ADK: variants seen among roughly 807,000 people sequenced by gnomAD.
The protein encoded by ADK is adenosine kinase, also known as N6,N6-dimethyladenosine kinase.
In ADK, 24 loss-of-function variants were observed where a neutral mutation model predicts 44.7. The observed-to-expected ratio is 0.54, with a 90% CI of 0.39 to 0.76. The LOEUF is 0.76. Ranked by LOEUF, ADK falls within the 30% of genes least tolerant of loss-of-function variation. The pLI is 0.00. For synonymous variants in ADK, 128 were observed against 142.6 expected (o/e 0.90, Z 0.73); for missense variants, 321 against 425.1 (o/e 0.76, Z 2.15).
chr10:74,397,013 C>T (rs983466447), intron 5 of ADK, among the ~76,000 whole-genome samples: 1 of 151,448 alleles, frequency 6.6e-6, no homozygotes, highest in Admixed American at 6.6e-5. Flanking sequence ...TGTAGTTTCC[C>T]ATCAAAAAGT....
chr10:74,513,923 A>G (rs1848454742), intron 6 of ADK, among the ~76,000 whole-genome samples: 2 of 152,304 alleles, frequency 1.3e-5, no homozygotes, highest in East Asian at 1.9e-4. Context: ...ATAGTTTCAC[A>G]TATTTTCATG....
chr10:74,406,415 T>G (rs1037718546), intron 6 of ADK, among the ~76,000 whole-genome samples: 3 of 151,858 alleles, frequency 2.0e-5, no homozygotes, highest in Non-Finnish European at 2.9e-5. Flanking sequence ...TTTTGTGTGG[T>G]TGGGGTTTTT....
intron 9 of ADK, among the ~76,000 whole-genome samples, chr10:74,640,700 G>A (rs1853812067): frequency 6.6e-6 from 1 of 152,168 alleles, no homozygotes; most frequent in African/African-American, 2.4e-5. Context: ...TCCCTCTGTA[G>A]CGTGAAAACA....
intron 10 of ADK, among the ~76,000 whole-genome samples, chr10:74,695,616 TG>T (rs796902967): frequency 0.023 from 497 of 21,462 alleles, 6 homozygotes; most frequent in African/African-American, 0.05. Flanking sequence ...TGTGTATGTG[TG>T]GGGTGTGTGT....
At chr10:74,480,722 A>G (rs1212139510) in intron 6 of ADK, among the ~76,000 whole-genome samples, 1 of 151,626 alleles carries the variant, frequency 6.6e-6, no homozygotes, top group Non-Finnish European at 1.5e-5. Flanking sequence ...GTTTGGGGTC[A>G]GTTTTTCCAG....
intron 3 of ADK, among the ~76,000 whole-genome samples, chr10:74,276,501 T>C (rs1846685486): frequency 6.6e-6 from 1 of 152,240 alleles, no homozygotes; most frequent in South Asian, 2.1e-4. Flanking sequence ...TTTAAAACAA[T>C]ACCCTTTTAT....
At chr10:74,274,756 ACAT>A (rs1307964928) in intron 3 of ADK, among the ~76,000 whole-genome samples, 11 of 137,874 alleles carry the variant, frequency 8.0e-5, no homozygotes, top group Admixed American at 1.5e-4. Flanking sequence ...ATACACACAC[ACAT>A]TATATATATA....
chr10:74,219,027 T>TTAAATG (rs1844179541), intron 2 of ADK, among the ~76,000 whole-genome samples: 1 of 151,952 alleles, frequency 6.6e-6, no homozygotes, highest in African/African-American at 2.4e-5. Flanking sequence ...AATATTAACT[T>TTAAATG]TAAATGTAAA....
chr10:74,655,986 A>T (rs529701732), intron 9 of ADK: 2 of 676,446 alleles, frequency 3.0e-6, no homozygotes, highest in Non-Finnish European at 5.5e-6. Context: ...GGACGTGACC[A>T]TGGGAACCGC....
At position 74,504,080 on chromosome 10, in the gene ADK, A is replaced by G. The variant is rs148860378; in HGVS notation, c.556-21176A>G. Among the ~76,000 whole-genome samples the G allele has an allele frequency of 4.7e-3, 717 of 152,348 alleles. 7 individuals carry two copies. The highest frequency in any genetic ancestry group is 0.016 in the African/African-American group (684 of 41,592). ...TTATCTCAAGGTGTTTAATTCAAGT[A>G]GAGCCACAGTTCCGAAACTGTGCAC... On this transcript the variant is annotated intron_variant, in intron 6 of 10. Coordinates refer to ENST00000539909, the MANE Select transcript of ADK (RefSeq NM_006721.4).
intron 4 of ADK, among the ~76,000 whole-genome samples, chr10:74,358,346 A>G (rs1189533561): frequency 6.6e-6 from 1 of 152,214 alleles, no homozygotes; most frequent in East Asian, 1.9e-4. Context: ...ATAGACTTCT[A>G]AAATTTACTG....
chr10:74,408,828 G>A (rs1844060020), intron 6 of ADK, among the ~76,000 whole-genome samples: 4 of 152,090 alleles, frequency 2.6e-5, no homozygotes, highest in Admixed American at 2.6e-4. Flanking sequence ...TCTTCATGTT[G>A]AGTGGGCTGA....
At chr10:74,677,063 G>A (rs1448406973) in intron 10 of ADK, among the ~76,000 whole-genome samples, 1 of 152,034 alleles carries the variant, frequency 6.6e-6, no homozygotes, top group Non-Finnish European at 1.5e-5. Flanking sequence ...TGGACAACGT[G>A]GCAAAACCCC....
At chr10:74,640,585 G>C (rs1294456301) in intron 9 of ADK, among the ~76,000 whole-genome samples, 1 of 152,170 alleles carries the variant, frequency 6.6e-6, no homozygotes, top group Non-Finnish European at 1.5e-5. Context: ...AGTTCTAATA[G>C]ACTACATGTT....
chr10:74,212,094 A>T (rs1843835458), intron 2 of ADK, among the ~76,000 whole-genome samples: 1 of 152,178 alleles, frequency 6.6e-6, no homozygotes, highest in Admixed American at 6.5e-5. Context: ...ATGTCATTTC[A>T]CATATTGAGT....
intron 6 of ADK, among the ~76,000 whole-genome samples, chr10:74,459,066 G>A (rs1005989843): frequency 1.3e-5 from 2 of 151,888 alleles, no homozygotes; most frequent in Non-Finnish European, 2.9e-5. Context: ...ATCACCTGAT[G>A]TCAGGAGCTT....
chr10:74,382,794 G>T (rs1048726386), intron 4 of ADK, among the ~76,000 whole-genome samples: 4 of 151,764 alleles, frequency 2.6e-5, no homozygotes, highest in African/African-American at 7.3e-5. Context: ...AAAGAAAAAG[G>T]CTTCCTCACT....
At chr10:74,168,989 G>C (rs568790875) in intron 1 of ADK, among the ~76,000 whole-genome samples, 4 of 152,250 alleles carry the variant, frequency 2.6e-5, no homozygotes, top group African/African-American at 9.6e-5. Context: ...ACTTTGGGAG[G>C]CTGAGGCAGG....
At chr10:74,217,622 C>G (rs1182247338) in intron 2 of ADK, among the ~76,000 whole-genome samples, 1 of 152,214 alleles carries the variant, frequency 6.6e-6, no homozygotes, top group South Asian at 2.1e-4. Flanking sequence ...AGGCACCCCC[C>G]AGTAGGAGCA....
Sources: allele counts gnomAD v4.1 joint callset (sites outside exome capture counted in the v4.1 genomes callset), GRCh38; gene constraint gnomAD v4.1.1; transcripts MANE v1.5; gene names NCBI Gene and HGNC (gene_info 2026-07-23, HGNC 2026-07-21).